The following CSMD3 variants were observed in gnomAD, a reference collection of about 807,000 sequenced individuals.
CSMD3 encodes the protein CUB and Sushi multiple domains 3, also known as CUB and sushi domain-containing protein 3.
CSMD3 carries 177 observed loss-of-function variants against 435.2 expected under a neutral mutation model. That is an observed-to-expected ratio of 0.41 (90% confidence interval 0.36 to 0.46). The LOEUF (loss-of-function observed/expected upper bound fraction) is 0.46. Among genes scored for constraint, CSMD3 ranks in the 20% least tolerant of loss-of-function variants. The pLI is 0.34. For missense variants in CSMD3, 4,265 were observed against 4,504.6 expected (o/e 0.95, Z 1.52); for synonymous variants, 1,656 against 1,520.5 (o/e 1.09, Z -2.07).
At chr8:112,744,557 T>G (rs893951092) in intron 13 of CSMD3, among the ~76,000 whole-genome samples, 4 of 152,026 alleles carry the variant, frequency 2.6e-5, no homozygotes, top group Non-Finnish European at 1.5e-5. Context: ...TGACAGTAAG[T>G]CATGGTTTCA....
chr8:112,874,175 T>C lies in CSMD3; in HGVS notation c.1634-14909A>G, dbSNP rs181096451. Among the ~76,000 whole-genome samples, 10 of 152,306 alleles carry C rather than the reference T, an allele frequency of 6.6e-5. No homozygotes were observed. The East Asian group carries it at 1.7e-3, about 26-fold the overall frequency. ...CTTAATTTTGTTATTTACCCAGTAG[T>C]CATTTAGGAGCAGGTTGTTCAGTTT... On this transcript the variant is annotated intron_variant, in intron 10 of 70. Transcript: ENST00000297405.
At chr8:112,719,451 G>A (rs565459506) in intron 13 of CSMD3, among the ~76,000 whole-genome samples, 2 of 152,284 alleles carry the variant, frequency 1.3e-5, no homozygotes, top group South Asian at 4.1e-4. Flanking sequence ...AGGCTGAGAA[G>A]TCTAAGATCG....
intron 47 of CSMD3, among the ~76,000 whole-genome samples, chr8:112,315,342 A>C (rs1822361433): frequency 6.6e-6 from 1 of 151,970 alleles, no homozygotes; most frequent in African/African-American, 2.4e-5. Context: ...AACATATAGC[A>C]AATTTTAGTT....
chr8:112,240,019 C>T (rs1283268374), intron 66 of CSMD3, among the ~76,000 whole-genome samples: 1 of 151,966 alleles, frequency 6.6e-6, no homozygotes, highest in East Asian at 1.9e-4. Flanking sequence ...TCTTAACTTT[C>T]CTTTTCTTAT....
intron 13 of CSMD3, among the ~76,000 whole-genome samples, chr8:112,769,079 C>T (rs1054963809): frequency 3.9e-5 from 6 of 151,914 alleles, no homozygotes; most frequent in African/African-American, 1.4e-4. Context: ...ACCTACTCTT[C>T]TCACATTCTT....
At chr8:112,388,787 C>T (rs1038348452) in intron 36 of CSMD3, among the ~76,000 whole-genome samples, 2 of 152,180 alleles carry the variant, frequency 1.3e-5, no homozygotes, top group African/African-American at 2.4e-5. Flanking sequence ...TTTACGTCCT[C>T]GACATCTCTA....
intron 10 of CSMD3, among the ~76,000 whole-genome samples, chr8:112,870,228 T>C (rs2081093147): frequency 6.7e-6 from 1 of 149,714 alleles, no homozygotes; most frequent in Non-Finnish European, 1.5e-5. Flanking sequence ...GAATTGCAAA[T>C]CAAAACCACA....
At chr8:113,282,786 A>T (rs982585937) in intron 2 of CSMD3, among the ~76,000 whole-genome samples, 3 of 152,146 alleles carry the variant, frequency 2.0e-5, no homozygotes, top group African/African-American at 7.2e-5. Context: ...AAGCAAGACT[A>T]AGCAAAAGGA....
intron 1 of CSMD3, among the ~76,000 whole-genome samples, chr8:113,346,015 T>C (rs1417426127): frequency 6.6e-6 from 1 of 152,098 alleles, no homozygotes; most frequent in Non-Finnish European, 1.5e-5. Context: ...CAGTAACAAG[T>C]TCCCCTTAGA....
intron 1 of CSMD3, among the ~76,000 whole-genome samples, chr8:113,367,622 G>A (rs572931695): frequency 1.4e-4 from 22 of 152,074 alleles, no homozygotes; most frequent in Non-Finnish European, 2.2e-4. Flanking sequence ...TAGTAACTTC[G>A]TTTTACACCA....
intron 6 of CSMD3, among the ~76,000 whole-genome samples, chr8:112,989,981 C>T (rs1300480405): frequency 1.3e-5 from 2 of 151,820 alleles, no homozygotes; most frequent in South Asian, 2.1e-4. Flanking sequence ...CTCATGAGAT[C>T]GGATAGTTTT....
intron 35 of CSMD3, among the ~76,000 whole-genome samples, chr8:112,405,285 T>C (rs1471683432): frequency 7.7e-6 from 1 of 130,486 alleles, no homozygotes; most frequent in African/African-American, 2.9e-5. Flanking sequence ...TAACATCACA[T>C]ACTAATATAA....
At chr8:112,376,317 A>G (rs983419954) in intron 38 of CSMD3, among the ~76,000 whole-genome samples, 1 of 152,130 alleles carries the variant, frequency 6.6e-6, no homozygotes, top group East Asian at 1.9e-4. Flanking sequence ...TGTTCAAAAT[A>G]TTTGCTGGTT....
At chr8:113,318,703 G>T (rs1316275646) in intron 1 of CSMD3, among the ~76,000 whole-genome samples, 1 of 151,022 alleles carries the variant, frequency 6.6e-6, no homozygotes, top group African/African-American at 2.4e-5. Flanking sequence ...TTTGTGCCTG[G>T]CTTATTTCAC....
chr8:112,429,987 T>C (rs1367644646), intron 32 of CSMD3, among the ~76,000 whole-genome samples: 3 of 152,036 alleles, frequency 2.0e-5, no homozygotes, highest in East Asian at 1.9e-4. Flanking sequence ...CAGGTGGGAT[T>C]AAAAAACAGT....
Position 113,107,862 on chromosome 8 carries a change from A to G in CSMD3, c.710-8899T>C, listed in dbSNP as rs76424438. 4.6e-3 allele frequency among the ~76,000 whole-genome samples: 699 copies of G among 152,274 alleles called. 5 individuals carry two copies. The highest frequency in any genetic ancestry group is 0.015 in the African/African-American group (615 of 41,552). ...GCAGGGCTTATGTCCCTTTTTGTTC[A>G]TATTATATCTGTTACTTAAAACTAC... On this transcript the variant is annotated intron_variant, in intron 4 of 70. Coordinates refer to ENST00000297405, the MANE Select transcript of CSMD3 (RefSeq NM_198123.2).
At chr8:112,759,526 T>G (rs1021312797) in intron 13 of CSMD3, among the ~76,000 whole-genome samples, 2 of 152,106 alleles carry the variant, frequency 1.3e-5, no homozygotes, top group South Asian at 4.1e-4. Flanking sequence ...AAACAATTTT[T>G]GAAATTCTAT....
At chr8:113,032,778 C>T (rs2131248487) in intron 5 of CSMD3, among the ~76,000 whole-genome samples, 1 of 151,600 alleles carries the variant, frequency 6.6e-6, no homozygotes, top group South Asian at 2.1e-4. Flanking sequence ...GTCTCCAGGG[C>T]ATGTCAGAGA....
intron 45 of CSMD3, among the ~76,000 whole-genome samples, chr8:112,323,148 AAAACAAAC>A (rs60164058): frequency 1.1e-4 from 16 of 150,526 alleles, no homozygotes; most frequent in Admixed American, 5.3e-4. Flanking sequence ...GGAGTAATGA[AAAACAAAC>A]AAACAAACAA....
Sources: allele counts gnomAD v4.1 joint callset (sites outside exome capture counted in the v4.1 genomes callset), GRCh38; gene constraint gnomAD v4.1.1; transcripts MANE v1.5; gene names NCBI Gene and HGNC (gene_info 2026-07-23, HGNC 2026-07-21).